SUPT20H: variants seen among roughly 807,000 people sequenced by gnomAD.
SUPT20H encodes the protein SPT20 homolog, SAGA complex component.
A neutral mutation model predicts 122.8 loss-of-function variants in SUPT20H; 82 were observed. That is an observed-to-expected ratio of 0.67 (90% CI 0.56 to 0.80). SUPT20H has a LOEUF of 0.80. Ranked by LOEUF, SUPT20H falls within the 30% of genes least tolerant of loss-of-function variation. SUPT20H has a pLI of 0.00. For synonymous variants in SUPT20H, 291 were observed against 313.0 expected (o/e 0.93, Z 0.74); for missense variants, 831 against 921.6 (o/e 0.90, Z 1.27).
intron 13 of SUPT20H, 102 bp from the exon 14 acceptor site, chr13:37,028,407 G>C (rs553309663): frequency 1.2e-5 from 13 of 1,067,304 alleles, no homozygotes; most frequent in Non-Finnish European, 1.6e-5. Flanking sequence ...TGTATCTGAC[G>C]ATAGGAAGAC....
At chr13:37,045,499 A>C in intron 5 of SUPT20H, 126 bp from the exon 6 acceptor site, 1 of 1,231,558 alleles carries the variant, frequency 8.1e-7, no homozygotes, top group African/African-American at 1.5e-5. Flanking sequence ...GATTCTGAAT[A>C]AATGGAGAAG....
In SUPT20H at chr13:37,035,735, T is replaced by C. The variant is rs562471065; in HGVS notation, c.568-2147A>G. Among the ~76,000 whole-genome samples the C allele has an allele frequency of 2.0e-5, 3 of 152,236 alleles. No homozygotes were observed. The South Asian group carries it at 6.2e-4, about 32-fold the overall frequency. ...TTAGTAGAGACAGGGTTTCACCGTA[T>C]TGGCCAGGCTGGTCTCGAACTGCTG... is the stretch of plus-strand genomic sequence containing the variant. On this transcript the variant is annotated intron_variant, in intron 9 of 25. Coordinates refer to ENST00000350612, the MANE Select transcript of SUPT20H (RefSeq NM_001014286.3).
chr13:37,031,738 C>G lies in SUPT20H; in HGVS notation c.864+1G>C. 1 of 1,585,532 alleles carries G rather than the reference C, an allele frequency of 6.3e-7. No individual in the cohort carries two copies. The highest frequency in any genetic ancestry group is 2.3e-5 in the East Asian group (1 of 44,412). On this transcript the variant is annotated splice_donor_variant, in intron 11 of 25. Coordinates refer to ENST00000350612, the MANE Select transcript of SUPT20H (RefSeq NM_001014286.3). LOFTEE classifies it high-confidence loss of function. ...GCTTCATTTAAAATATATATACTTA[C>G]ATTTCCTGCCTTAGAAATTTTGAGG...
At chr13:37,030,222 C>A (rs971153518) in intron 12 of SUPT20H, among the ~76,000 whole-genome samples, 1 of 152,000 alleles carries the variant, frequency 6.6e-6, no homozygotes, top group Admixed American at 6.6e-5. Context: ...GAAATAAAAG[C>A]GGTCATGTAA....
intron 19 of SUPT20H, among the ~76,000 whole-genome samples, chr13:37,023,272 C>A (rs910273691): frequency 6.6e-6 from 1 of 152,088 alleles, no homozygotes; most frequent in Non-Finnish European, 1.5e-5. Context: ...ATGCGAAGAC[C>A]ACCCTATCAC....
chr13:37,041,086 A>C (rs1198674095), intron 7 of SUPT20H, among the ~76,000 whole-genome samples: 4 of 152,224 alleles, frequency 2.6e-5, no homozygotes, highest in Non-Finnish European at 5.9e-5. Context: ...TATCATTGTT[A>C]TAAATTGCCA....
intron 13 of SUPT20H, among the ~76,000 whole-genome samples, chr13:37,028,793 C>T (rs532333173): frequency 1.3e-5 from 2 of 151,808 alleles, no homozygotes; most frequent in African/African-American, 2.4e-5. Context: ...CCTAAGCTTG[C>T]ACCCCTGATC....
At position 37,031,612 on chromosome 13, in the gene SUPT20H, C is replaced by T; in HGVS notation, c.876G>A (p.Met292Ile). 2 of 1,562,522 alleles carry T rather than the reference C, an allele frequency of 1.3e-6. No individual in the cohort carries two copies. Among genetic ancestry groups the T allele is most frequent in the Admixed American group, 2.1e-5 (1 of 47,352 alleles). The change falls in exon 12 of 26, where the codon ATG (methionine) becomes ATA (isoleucine). Residue 292 changes from methionine (M) to isoleucine (I), a missense_variant. Met to Ile is a conservative substitution (Grantham distance 10). Transcript: ENST00000350612. ...KISKAGNCVDMWKRSPCNLAI... is the reference protein window; with the variant it reads ...KISKAGNCVDIWKRSPCNLAI... ...CCAAATTACAGGGACTCCGTTTCCA[C>T]ATATCTACACACTGAAAAATTAAAA...
chr13:37,016,487 T>G (rs1367651105), intron 23 of SUPT20H, among the ~76,000 whole-genome samples: 2 of 152,198 alleles, frequency 1.3e-5, no homozygotes, highest in Non-Finnish European at 2.9e-5. Context: ...ATTAATTTTT[T>G]TAAAAGAAAA....
chr13:37,016,183 C>A (rs182723153), intron 23 of SUPT20H, among the ~76,000 whole-genome samples: 101 of 152,170 alleles, frequency 6.6e-4, no homozygotes, highest in Middle Eastern at 6.8e-3. Flanking sequence ...GTAATCCCAG[C>A]AGTCTGGGAG....
intron 5 of SUPT20H, 23 bp from the exon 6 acceptor site, chr13:37,045,396 T>C (rs1244040524): frequency 6.2e-7 from 1 of 1,611,722 alleles, no homozygotes; most frequent in South Asian, 1.1e-5. Flanking sequence ...GAGGCAGAGC[T>C]CATGAAAATA....
At chr13:37,047,735 A>T (rs1226671013) in intron 4 of SUPT20H, 134 bp from the exon 5 acceptor site, 1 of 1,193,632 alleles carries the variant, frequency 8.4e-7, no homozygotes, top group Non-Finnish European at 1.1e-6. Flanking sequence ...AGCTGAATAT[A>T]GTAGCTAACA....
rs558085671 is a variant in SUPT20H at position 37,033,318 on chromosome 13, A to AAG, written c.707+129_707+130dup. ...GAGTTTGAGACTAGCCTGGGCAACA[A>AAG]AGAGAGACCTCATCTCTACCCTTCC... is the stretch of plus-strand genomic sequence containing the variant. On this transcript the variant is annotated intron_variant, in intron 10 of 25. Transcript: ENST00000350612. 87 of 1,126,362 alleles carry AAG rather than the reference A, an allele frequency of 7.7e-5. 2 individuals are homozygous for AAG. In the South Asian group the frequency reaches 1.5e-3, roughly 20 times the overall value. 69.8% of individuals were successfully genotyped at this position (1,126,362 alleles called of 1,614,324 possible).
At chr13:37,015,569 G>C (rs1290413998) in intron 23 of SUPT20H, among the ~76,000 whole-genome samples, 1 of 151,934 alleles carries the variant, frequency 6.6e-6, no homozygotes, top group East Asian at 1.9e-4. Context: ...CGAGATCTCT[G>C]TATGTTGTTG....
At chr13:37,029,685 T>C (rs2062958624) in intron 13 of SUPT20H, 80 bp downstream of exon 13, 7 of 1,239,892 alleles carry the variant, frequency 5.6e-6, no homozygotes, top group South Asian at 1.4e-5. Context: ...CTAATGGCAA[T>C]TGCACTTTAT....
chr13:37,035,381 C>G (rs1219037443), intron 9 of SUPT20H, among the ~76,000 whole-genome samples: 1 of 152,104 alleles, frequency 6.6e-6, no homozygotes, highest in Admixed American at 6.6e-5. Flanking sequence ...TTCAAGACTT[C>G]AGGACAAGAA....
Position 37,012,276 on chromosome 13 carries a change from T to G in SUPT20H, c.2014A>C (p.Ser672Arg). The G allele has an allele frequency of 6.2e-7, 1 of 1,613,208 alleles. No homozygotes were observed. The change falls in exon 24 of 26, where the codon AGT becomes CGT. Residue 672 changes from serine (S) to arginine (R), a missense_variant. Physicochemically the swap from Ser to Arg is moderately radical, Grantham distance 110 (BLOSUM62 -1). Coordinates refer to ENST00000350612, the MANE Select transcript of SUPT20H (RefSeq NM_001014286.3). ...GEQGSEQGST[S>R]QEQALSAQQA... ...TGAGCAGATAAGGCCTGTTCTTGAC[T>G]GGTTGAACCTTGCTCAGAACCCTGA...
At chr13:37,020,241 C>T (rs2061281010) in intron 21 of SUPT20H, among the ~76,000 whole-genome samples, 1 of 151,680 alleles carries the variant, frequency 6.6e-6, no homozygotes, top group African/African-American at 2.4e-5. Context: ...AAGAAATGCA[C>T]ATGTAACACT....
At chr13:37,043,735 T>TTCCTTCTCTAA (rs2065918163) in intron 7 of SUPT20H, among the ~76,000 whole-genome samples, 1 of 151,648 alleles carries the variant, frequency 6.6e-6, no homozygotes, top group Non-Finnish European at 1.5e-5. Flanking sequence ...GGTTTTCCTC[T>TTCCTTCTCTAA]TCCTTCTCTA....
Sources: gnomAD v4.1 joint callset for allele counts (sites outside exome capture counted in the v4.1 genomes callset) on GRCh38, gnomAD v4.1.1 for gene constraint, MANE v1.5 for transcripts, NCBI Gene and HGNC (gene_info 2026-07-23, HGNC 2026-07-21) for gene names.